COPS3: variants seen among roughly 807,000 people sequenced by gnomAD.
The protein encoded by COPS3 is COP9 signalosome subunit 3, also known as COP9 signalosome complex subunit 3.
In COPS3, 10 loss-of-function variants were observed where a neutral mutation model predicts 58.2. The ratio of observed to expected loss-of-function variants is 0.17; its 90% CI spans 0.11 to 0.29. The LOEUF (loss-of-function observed/expected upper bound fraction) is 0.29, where lower values mean the gene tolerates loss of function less well. Among genes scored for constraint, COPS3 ranks in the 10% least tolerant of loss-of-function variants. COPS3 has a pLI of 1.00. For synonymous variants in COPS3, 187 were observed against 181.7 expected (o/e 1.03, Z -0.24); for missense variants, 333 against 510.1 (o/e 0.65, Z 3.34).
chr17:17,258,481 TTTAA>T (rs1452402549), intron 8 of COPS3, among the ~76,000 whole-genome samples: 16 of 152,332 alleles, frequency 1.1e-4, no homozygotes, highest in African/African-American at 3.8e-4. Flanking sequence ...GAAACCGTTA[TTTAA>T]TTTTCATTTG....
intron 4 of COPS3, among the ~76,000 whole-genome samples, chr17:17,270,143 C>G (rs920865766): frequency 1.6e-4 from 24 of 149,200 alleles, no homozygotes; most frequent in African/African-American, 5.6e-4. Context: ...GGCATCAGAG[C>G]GAGACTCTGT....
At chr17:17,274,485 C>T (rs1418430989) in intron 2 of COPS3, among the ~76,000 whole-genome samples, 1 of 148,822 alleles carries the variant, frequency 6.7e-6, no homozygotes, top group Non-Finnish European at 1.5e-5. Flanking sequence ...AGTGCAGTGG[C>T]GTTGTCTCAG....
intron 2 of COPS3, among the ~76,000 whole-genome samples, chr17:17,272,717 C>A (rs1482221585): frequency 1.3e-5 from 2 of 152,174 alleles, no homozygotes; most frequent in Non-Finnish European, 2.9e-5. Flanking sequence ...GCCTAGGCAA[C>A]ATAATATGGC....
In COPS3 at chr17:17,280,511, G is replaced by T. The variant is rs2048554075; in HGVS notation, c.55+621C>A. ...GGAGGCTGAGGTTGCAGTGAGCCGA[G>T]ATCGCGCCACTGCACTCCAGCCTCG... On this transcript the variant is annotated intron_variant, in intron 1 of 11. Transcript: ENST00000268717. 110 of 1,186,978 alleles carry T rather than the reference G, an allele frequency of 9.3e-5. 2 individuals carry two copies. The South Asian group carries it at 1.5e-3, about 16-fold the overall frequency. 73.5% of individuals were successfully genotyped at this position (1,186,978 alleles called of 1,614,324 possible). A position where few individuals can be genotyped will look rare whatever the true frequency, so the allele number is the denominator to read the frequency against.
At position 17,250,552 on chromosome 17, in the gene COPS3, C is replaced by G. The variant is rs145565334; in HGVS notation, c.1024-1513G>C. 8.5e-5 allele frequency among the ~76,000 whole-genome samples: 13 copies of G among 152,300 alleles called. No individual in the cohort carries two copies. The East Asian group carries it at 2.5e-3, about 29-fold the overall frequency. On this transcript the variant is annotated intron_variant, in intron 9 of 11. Coordinates refer to ENST00000268717, the MANE Select transcript of COPS3 (RefSeq NM_003653.4). ...ACTATCTTCCGATTCTTCAAGAAAA[C>G]TTTACTACCACTGGGGATTCCAAGG... is the stretch of plus-strand genomic sequence containing the variant.
At chr17:17,281,091 CG>C in intron 1 of COPS3, 40 bp downstream of exon 1, 3 of 1,591,640 alleles carry the variant, frequency 1.9e-6, no homozygotes, top group Non-Finnish European at 1.7e-6. Context: ...GGCCAGTTCC[CG>C]GTACCCGCCC....
At chr17:17,249,996 A>G (rs1253587173) in intron 9 of COPS3, among the ~76,000 whole-genome samples, 1 of 152,092 alleles carries the variant, frequency 6.6e-6, no homozygotes, top group Admixed American at 6.6e-5. Flanking sequence ...CACCATCTCT[A>G]TCTAGTTCTG....
At chr17:17,264,559 T>C (rs933187067) in intron 6 of COPS3, among the ~76,000 whole-genome samples, 6 of 152,152 alleles carry the variant, frequency 3.9e-5, no homozygotes, top group African/African-American at 1.4e-4. Context: ...CCAAATCAGA[T>C]AAGGTATAAG....
intron 4 of COPS3, 89 bp downstream of exon 4, chr17:17,270,669 T>A: frequency 8.5e-7 from 1 of 1,178,682 alleles, no homozygotes; most frequent in Non-Finnish European, 1.2e-6. Flanking sequence ...GGATGCTCAG[T>A]ACTAACTGGA....
At chr17:17,273,425 C>G (rs75049944) in intron 2 of COPS3, among the ~76,000 whole-genome samples, 17,254 of 152,182 alleles carry the variant, frequency 0.11, 1,218 homozygotes, top group South Asian at 0.22. Context: ...GTAAGGATTT[C>G]TACTGTCTGT....
Position 17,271,865 on chromosome 17 carries a change from T to C in COPS3, c.186-857A>G, listed in dbSNP as rs933497536. Among the ~76,000 whole-genome samples the C allele has an allele frequency of 7.3e-4, 92 of 126,786 alleles. No individual in the cohort carries two copies. In the Middle Eastern group the frequency reaches 0.012, roughly 16 times the overall value. The allele number at this position is 126,786 out of a possible 152,430, so 83.2% of individuals were successfully genotyped here. On this transcript the variant is annotated intron_variant, in intron 2 of 11. Transcript: ENST00000268717. The stretch of plus-strand genomic sequence containing the variant: ...CTATATATATATATATATACACACA[T>C]ACACACACATATGTTTAATAATATA...
At chr17:17,280,861 G>A in intron 1 of COPS3, 1 of 1,142,036 alleles carries the variant, frequency 8.8e-7, no homozygotes, top group Non-Finnish European at 1.2e-6. Flanking sequence ...CAAGCAAAGC[G>A]CCCGGTGGAA....
chr17:17,265,248 A>C (rs1303693490), intron 5 of COPS3, among the ~76,000 whole-genome samples: 1 of 152,178 alleles, frequency 6.6e-6, no homozygotes, highest in Non-Finnish European at 1.5e-5. Context: ...AATTGCTCCA[A>C]TGAGCACTTT....
chr17:17,272,447 T>C (rs2036806568), intron 2 of COPS3, among the ~76,000 whole-genome samples: 1 of 152,164 alleles, frequency 6.6e-6, no homozygotes, highest in South Asian at 2.1e-4. Flanking sequence ...TTTATGTTTA[T>C]ACAAATCCTG....
At position 17,280,742 on chromosome 17, in the gene COPS3, C is replaced by G. The variant is rs773239090; in HGVS notation, c.55+390G>C. ...GCGGCCTAGTCAGCAAGCTGCGGAT[C>G]GGCGGCAAAGATGACATGGCGGTGC... On this transcript the variant is annotated intron_variant, in intron 1 of 11. Coordinates refer to ENST00000268717, the MANE Select transcript of COPS3 (RefSeq NM_003653.4). The G allele has an allele frequency of 3.2e-6, 4 of 1,241,014 alleles. No individual in the cohort carries two copies. In the African/African-American group the frequency reaches 4.7e-5, roughly 15 times the overall value. The allele number at this position is 1,241,014 out of a possible 1,614,324, so 76.9% of individuals were successfully genotyped here.
Position 17,247,042 on chromosome 17 carries a change from C to T in COPS3, c.*56G>A. On this transcript the variant is annotated 3_prime_UTR_variant, in exon 12 of 12. Coordinates refer to ENST00000268717, the MANE Select transcript of COPS3 (RefSeq NM_003653.4). ...GGTCCTCTCTGCTGCCCTCCGAACA[C>T]TTGTCACTGGCCAAGATGGTAGTTT... The T allele has an allele frequency of 2.0e-6, 3 of 1,517,464 alleles. No homozygotes were observed. The highest frequency in any genetic ancestry group is 2.7e-6 in the Non-Finnish European group (3 of 1,092,076). The allele number at this position is 1,517,464 out of a possible 1,614,324, so 94.0% of individuals were successfully genotyped here. A position where few individuals can be genotyped will look rare whatever the true frequency, so the allele number is the denominator to read the frequency against.
chr17:17,250,991 A>G (rs796472520), intron 9 of COPS3, among the ~76,000 whole-genome samples: 5 of 152,024 alleles, frequency 3.3e-5, no homozygotes, highest in African/African-American at 1.2e-4. Flanking sequence ...ATGTCTAACT[A>G]TTTATTTATT....
chr17:17,255,402 C>T (rs1261183592), intron 8 of COPS3, among the ~76,000 whole-genome samples: 1 of 149,814 alleles, frequency 6.7e-6, no homozygotes, highest in East Asian at 2.0e-4. Flanking sequence ...CAGAGAATTG[C>T]TTGAACCCAG....
chr17:17,265,166 A>G (rs1466109052), intron 5 of COPS3, among the ~76,000 whole-genome samples, 185 bp from the exon 6 acceptor site: 1 of 152,174 alleles, frequency 6.6e-6, no homozygotes, highest in Non-Finnish European at 1.5e-5. Context: ...TAGGACCACA[A>G]GTGTTTCAAA....
Sources: allele counts gnomAD v4.1 joint callset (sites outside exome capture counted in the v4.1 genomes callset), GRCh38; gene constraint gnomAD v4.1.1; transcripts MANE v1.5; gene names NCBI Gene and HGNC (gene_info 2026-07-23, HGNC 2026-07-21).